P4HA2: variants seen among roughly 807,000 people sequenced by gnomAD.
P4HA2 encodes the protein prolyl 4-hydroxylase subunit alpha 2.
P4HA2 carries 46 observed loss-of-function variants against 76.9 expected under a neutral mutation model. The observed-to-expected ratio is 0.60, with a 90% CI of 0.47 to 0.76. The LOEUF (loss-of-function observed/expected upper bound fraction) is 0.76. Among genes scored for constraint, P4HA2 ranks in the 30% least tolerant of loss-of-function variants. P4HA2 has a pLI of 0.00. For missense variants in P4HA2, 583 were observed against 669.4 expected, an observed-to-expected ratio of 0.87 and a Z score of 1.42; for synonymous variants, 243 against 254.0, an observed-to-expected ratio of 0.96 and a Z score of 0.41.
At chr5:132,214,986 C>G (rs1478063160) in intron 4 of P4HA2, among the ~76,000 whole-genome samples, 2 of 152,216 alleles carry the variant, frequency 1.3e-5, no homozygotes, top group Non-Finnish European at 2.9e-5. Flanking sequence ...AATTCTGCCT[C>G]TAAGCTGAGA....
At chr5:132,210,207 G>T in intron 6 of P4HA2, 77 bp downstream of exon 6, 1 of 1,525,832 alleles carries the variant, frequency 6.6e-7, no homozygotes, top group Non-Finnish European at 9.0e-7. Context: ...CAGGAGAGGG[G>T]TCAGGCAGAT....
intron 1 of P4HA2, among the ~76,000 whole-genome samples, chr5:132,223,561 T>C (rs1173204215): frequency 1.3e-5 from 2 of 152,194 alleles, no homozygotes; most frequent in Non-Finnish European, 2.9e-5. Flanking sequence ...CGCACAGGCC[T>C]GCACCTCACT....
chr5:132,198,852 T>G lies in P4HA2; in HGVS notation c.1305+27A>C, dbSNP rs1347606629. The G allele has an allele frequency of 1.9e-6, 3 of 1,562,596 alleles. No individual in the cohort carries two copies. In the African/African-American group the frequency reaches 4.1e-5, roughly 21 times the overall value. On this transcript the variant is annotated intron_variant, in intron 11 of 14. Coordinates refer to ENST00000360568, the MANE Select transcript of P4HA2 (RefSeq NM_001017974.2). Reference sequence around the variant, plus strand: ...TCAAATCAGCTAGAGCAGGGCCCTTTGAAAGCACCTGTGATTTAGGCCTTA... The same window carrying G: ...TCAAATCAGCTAGAGCAGGGCCCTTGGAAAGCACCTGTGATTTAGGCCTTA...
At chr5:132,206,564 G>T (rs1752240913) in intron 8 of P4HA2, among the ~76,000 whole-genome samples, 1 of 152,140 alleles carries the variant, frequency 6.6e-6, no homozygotes, top group South Asian at 2.1e-4. Context: ...CATCAGTGAT[G>T]GGATATGGCA....
At position 132,207,895 on chromosome 5, in the gene P4HA2, C is replaced by T. The variant is rs1752421956; in HGVS notation, c.904-11G>A. The T allele has an allele frequency of 1.9e-6, 3 of 1,556,224 alleles. No individual in the cohort carries two copies. Among genetic ancestry groups the T allele is most frequent in the Non-Finnish European group, 2.6e-6 (3 of 1,152,876 alleles). ...CTGTCTACGGGGTGTCTGGAAAGCA[C>T]AGAGTAACAGGCCCTGAGCTGAGTG... On this transcript the variant is annotated splice_polypyrimidine_tract_variant and intron_variant, in intron 7 of 14. Transcript: ENST00000360568.
chr5:132,207,899 G>C lies in P4HA2; in HGVS notation c.904-15C>G. On this transcript the variant is annotated splice_polypyrimidine_tract_variant and intron_variant, in intron 7 of 14. Transcript: ENST00000360568. ...CTACGGGGTGTCTGGAAAGCACAGAGTAACAGGCCCTGAGCTGAGTGAGTC... is the reference window on the plus strand; with the variant it reads ...CTACGGGGTGTCTGGAAAGCACAGACTAACAGGCCCTGAGCTGAGTGAGTC... 1 of 1,552,806 alleles carries C rather than the reference G, an allele frequency of 6.4e-7. No individual in the cohort carries two copies. Among genetic ancestry groups the C allele is most frequent in the Non-Finnish European group, 8.7e-7 (1 of 1,151,130 alleles).
chr5:132,191,170 G>C lies in P4HA2; in HGVS notation c.*1840C>G, dbSNP rs546293830. Among the ~76,000 whole-genome samples, 2 of 152,162 alleles carry C rather than the reference G, an allele frequency of 1.3e-5. No homozygotes were observed. Among genetic ancestry groups the C allele is most frequent in the Non-Finnish European group, 2.9e-5 (2 of 68,016 alleles). ...CCACTCACGTGGGCTCCATGCTTAC[G>C]ACCTCCCAAGGGCTCCGCATCCTAA... is the stretch of plus-strand genomic sequence containing the variant. On this transcript the variant is annotated 3_prime_UTR_variant, in exon 15 of 15. Coordinates refer to ENST00000360568, the MANE Select transcript of P4HA2 (RefSeq NM_001017974.2).
At chr5:132,214,692 A>G (rs1347533302) in intron 4 of P4HA2, among the ~76,000 whole-genome samples, 5 of 151,740 alleles carry the variant, frequency 3.3e-5, no homozygotes, top group Admixed American at 3.3e-4. Context: ...CAGGCCAAGG[A>G]CCAAGGTGGG....
At chr5:132,194,187 T>C (rs1307087608) in intron 14 of P4HA2, among the ~76,000 whole-genome samples, 2 of 152,202 alleles carry the variant, frequency 1.3e-5, no homozygotes, top group Admixed American at 1.3e-4. Flanking sequence ...CATAATTATA[T>C]CATGTGTTAC....
chr5:132,209,438 C>G lies in P4HA2; in HGVS notation c.710-107G>C, dbSNP rs539049183. 9.0e-6 allele frequency: 8 copies of G among 887,642 alleles called. No homozygotes were observed. The South Asian group carries it at 1.3e-4, about 14-fold the overall frequency. 55.0% of individuals were successfully genotyped at this position (887,642 alleles called of 1,614,324 possible). A position where few individuals can be genotyped will look rare whatever the true frequency, so the allele number is the denominator to read the frequency against. ...TCTCTCCCAGCAGCTCACCTGCATG[C>G]TGCATTCTACCTTCCACAGCATCTA... On this transcript the variant is annotated intron_variant, in intron 6 of 14. Coordinates refer to ENST00000360568, the MANE Select transcript of P4HA2 (RefSeq NM_001017974.2).
At chr5:132,198,798 C>G in intron 11 of P4HA2, 81 bp downstream of exon 11, 1 of 978,398 alleles carries the variant, frequency 1.0e-6, no homozygotes, top group Admixed American at 1.7e-5. Flanking sequence ...GATGTGGAGG[C>G]TGAAATGCTC....
chr5:132,195,593 C>CCAAG, intron 12 of P4HA2, 113 bp from the exon 13 acceptor site: 1 of 775,536 alleles, frequency 1.3e-6, no homozygotes, highest in Non-Finnish European at 2.2e-6. Context: ...ATGAGTGACA[C>CCAAG]TACTTGGTGT....
At chr5:132,208,402 AGG>A (rs1561479596) in intron 7 of P4HA2, among the ~76,000 whole-genome samples, 134 of 5,176 alleles carry the variant, frequency 0.026, no homozygotes, top group Non-Finnish European at 0.043. Flanking sequence ...GGGGAGGGGG[AGG>A]GGAGGGGGAG....
chr5:132,202,858 C>G (rs1751698964), intron 10 of P4HA2: 1 of 152,228 alleles, frequency 6.6e-6, no homozygotes, highest in Non-Finnish European at 1.5e-5. Context: ...TCACTTCCAC[C>G]TACATATCAC....
intron 13 of P4HA2, 101 bp from the exon 14 acceptor site, chr5:132,195,123 C>T: frequency 2.5e-6 from 2 of 796,268 alleles, no homozygotes; most frequent in Non-Finnish European, 2.2e-6. Context: ...GAAACACCCT[C>T]ATTTTCCCAT....
intron 1 of P4HA2, among the ~76,000 whole-genome samples, chr5:132,220,508 C>T (rs1561497266): frequency 6.6e-6 from 1 of 152,236 alleles, no homozygotes; most frequent in Non-Finnish European, 1.5e-5. Flanking sequence ...CCCAGCATCT[C>T]TACCCAGGTG....
At chr5:132,203,681 C>G (rs1297095090) in intron 10 of P4HA2, 67 bp downstream of exon 10, 8 of 934,972 alleles carry the variant, frequency 8.6e-6, no homozygotes, top group Middle Eastern at 4.4e-4. Context: ...GTTCTGGACA[C>G]CCTGTGAGAC....
chr5:132,204,300 C>A, intron 8 of P4HA2, 148 bp from the exon 9 acceptor site: 3 of 670,214 alleles, frequency 4.5e-6, no homozygotes, highest in Non-Finnish European at 8.0e-6. Flanking sequence ...GCCCCAAGAT[C>A]CTGCAGGCCA....
intron 12 of P4HA2, among the ~76,000 whole-genome samples, chr5:132,197,595 A>G: frequency 6.8e-6 from 1 of 147,458 alleles, no homozygotes; most frequent in Non-Finnish European, 1.5e-5. Flanking sequence ...GTGACAGAGC[A>G]AGACTCCATC....
Sources: gnomAD v4.1 joint callset for allele counts (sites outside exome capture counted in the v4.1 genomes callset) on GRCh38, gnomAD v4.1.1 for gene constraint, MANE v1.5 for transcripts, NCBI Gene and HGNC (gene_info 2026-07-23, HGNC 2026-07-21) for gene names.